Variants in ZNF674 observed in about 807,000 individuals in gnomAD.
ZNF674 encodes zinc finger family member 674.
Under a neutral mutation model 7.0 loss-of-function variants are expected in ZNF674, and 2 were observed. That is an observed-to-expected ratio of 0.29 (90% CI 0.12 to 0.90). The LOEUF (loss-of-function observed/expected upper bound fraction) is 0.90. Among genes scored for constraint, ZNF674 ranks in the 40% least tolerant of loss-of-function variants. The pLI, the probability that ZNF674 is intolerant of heterozygous loss-of-function variation, is 0.57. For synonymous variants in ZNF674, 103 were observed against 145.2 expected (o/e 0.71, Z 2.09); for missense variants, 297 against 415.5 (o/e 0.71, Z 2.48).
chrX:46,520,188 G>A (rs1212326630), intron 5 of ZNF674, among the ~76,000 whole-genome samples: 1 of 110,926 alleles, frequency 9.0e-6, no homozygotes, highest in Non-Finnish European at 1.9e-5. Flanking sequence ...GATCACTTGA[G>A]GTCAGGAGTT....
intron 5 of ZNF674, among the ~76,000 whole-genome samples, chrX:46,520,911 G>A (rs1320710782): frequency 8.9e-6 from 1 of 111,783 alleles, no homozygotes; most frequent in Admixed American, 9.5e-5. Context: ...TCTAGACTGG[G>A]CGCAGTGGCT....
At chrX:46,508,411 T>C (rs1034829662) in intron 5 of ZNF674, among the ~76,000 whole-genome samples, 1 of 112,410 alleles carries the variant, frequency 8.9e-6, no homozygotes. Flanking sequence ...ATTTTACTTC[T>C]AAACATTAAT....
intron 5 of ZNF674, among the ~76,000 whole-genome samples, chrX:46,508,783 A>G (rs929505145): frequency 4.5e-5 from 5 of 111,419 alleles, no homozygotes; most frequent in African/African-American, 1.6e-4. Context: ...ATTGGTGTAT[A>G]AGAATGCTTG....
Position 46,500,987 on chromosome X carries a change from C to A in ZNF674, c.587G>T (p.Arg196Leu). 8.4e-7 allele frequency: 1 copy of A among 1,194,678 alleles called. No individual in the cohort carries two copies. Among genetic ancestry groups the A allele is most frequent in the East Asian group, 3.0e-5 (1 of 33,424 alleles). Residue 196 changes from arginine (R) to leucine (L), a missense_variant, in exon 6 of 6, where the codon CGA becomes CTA. Transcript: ENST00000683375. Reference sequence around the variant, plus strand: ...TTGCTTTTGGTGGAGGGCTTTCCCTCGTTGATTAGGGTCAAAAAATCTCTC... The same window carrying A: ...TTGCTTTTGGTGGAGGGCTTTCCCTAGTTGATTAGGGTCAAAAAATCTCTC... ...PAERFFDPNQ[R>L]GKALHQKQAL...
intron 3 of ZNF674, among the ~76,000 whole-genome samples, chrX:46,537,219 C>T (rs770554910): frequency 6.4e-5 from 7 of 109,446 alleles, no homozygotes; most frequent in Non-Finnish European, 1.3e-4. Flanking sequence ...TGCAGTGATC[C>T]GAGATCGCAC....
intron 4 of ZNF674, 99 bp downstream of exon 4, chrX:46,528,684 A>G: frequency 1.7e-6 from 2 of 1,147,631 alleles, no homozygotes; most frequent in Non-Finnish European, 2.3e-6. Flanking sequence ...GAGGGTGGTA[A>G]CCCACACTCA....
At chrX:46,527,302 A>G (rs2146608747) in intron 5 of ZNF674, among the ~76,000 whole-genome samples, 1 of 111,725 alleles carries the variant, frequency 9.0e-6, no homozygotes, top group South Asian at 3.7e-4. Flanking sequence ...TTACAATTTA[A>G]TAGCAAAGAA....
chrX:46,534,730 A>C (rs1942172164), intron 3 of ZNF674, among the ~76,000 whole-genome samples: 1 of 108,764 alleles, frequency 9.2e-6, no homozygotes, highest in Non-Finnish European at 1.9e-5. Context: ...CAGTGGCTAA[A>C]AGCCTTTCTT....
In ZNF674 at chrX:46,544,594, C is replaced by T. The variant is rs754986071; in HGVS notation, c.-123G>A. 8.9e-6 allele frequency: 1 copy of T among 112,102 alleles called. No individual in the cohort carries two copies. The highest frequency in any genetic ancestry group is 1.9e-5 in the Non-Finnish European group (1 of 53,217). The allele number at this position is 112,102 out of a possible 1,213,427, so 9.2% of individuals were successfully genotyped here. On this transcript the variant is annotated 5_prime_UTR_variant, in exon 2 of 6. Transcript: ENST00000683375. ...GTCTGAAATCGGTGAGCAGTGGTCT[C>T]AGGTCTGCACTCTGACCCTGGAAAC...
At chrX:46,519,259 TAGATAAAGATAGATGATA>T (rs1941847635) in intron 5 of ZNF674, among the ~76,000 whole-genome samples, 5 of 73,573 alleles carry the variant, frequency 6.8e-5, no homozygotes, top group African/African-American at 1.1e-4. Flanking sequence ...GATAGATAGA[TAGATAAAGATAGATGATA>T]GATAGATAGA....
At chrX:46,542,758 C>T (rs1942314415) in intron 2 of ZNF674, among the ~76,000 whole-genome samples, 1 of 110,903 alleles carries the variant, frequency 9.0e-6, no homozygotes, top group Admixed American at 9.7e-5. Flanking sequence ...ACTAAATGTG[C>T]AGCAAAGGGG....
intron 5 of ZNF674, among the ~76,000 whole-genome samples, chrX:46,524,239 CACAA>C (rs1359246902): frequency 8.1e-5 from 9 of 111,757 alleles, no homozygotes; most frequent in African/African-American, 2.9e-4. Flanking sequence ...CAAAACCAGA[CACAA>C]ACAGTGTAAG....
rs763490420 is a variant in ZNF674 at position 46,533,811 on chromosome X, C to CAAA, written c.16-4905_16-4903dup. On this transcript the variant is annotated intron_variant, in intron 3 of 5. Transcript: ENST00000683375. ...TGGGTGATAGAGTGAGACCCTGTCT[C>CAAA]AAAAAAAAAAAAAAAAAAATATATA... 9.5e-3 allele frequency among the ~76,000 whole-genome samples: 226 copies of CAAA among 23,773 alleles called. 1 individual carries two copies. Among genetic ancestry groups the CAAA allele is most frequent in the Non-Finnish European group, 0.012 (172 of 14,956 alleles). The allele number at this position is 23,773 out of a possible 115,157, so 20.6% of individuals were successfully genotyped here.
At chrX:46,529,146 G>T in intron 3 of ZNF674, 1 of 513,316 alleles carries the variant, frequency 1.9e-6, no homozygotes, top group Non-Finnish European at 3.1e-6. Context: ...AATCCACGCA[G>T]TCTGGCTCCC....
chrX:46,530,224 A>G (rs145717584), intron 3 of ZNF674, among the ~76,000 whole-genome samples: 141 of 112,057 alleles, frequency 1.3e-3, no homozygotes, highest in Middle Eastern at 4.6e-3. Flanking sequence ...GCTGTGCAGG[A>G]GAGGGGCAGG....
chrX:46,532,514 G>A (rs1462841887), intron 3 of ZNF674, among the ~76,000 whole-genome samples: 2 of 111,844 alleles, frequency 1.8e-5, no homozygotes, highest in African/African-American at 6.5e-5. Flanking sequence ...CCTTTGTCTC[G>A]TTAAGTCGCA....
In ZNF674 at chrX:46,498,137, T is replaced by C. The variant is rs1405576005; in HGVS notation, c.*1706A>G. 9.0e-6 allele frequency: 1 copy of C among 111,380 alleles called. No homozygotes were observed. Among genetic ancestry groups the C allele is most frequent in the African/African-American group, 3.3e-5 (1 of 30,688 alleles). The allele number at this position is 111,380 out of a possible 1,213,427, so 9.2% of individuals were successfully genotyped here. On this transcript the variant is annotated 3_prime_UTR_variant, in exon 6 of 6. Coordinates refer to ENST00000683375, the MANE Select transcript of ZNF674 (RefSeq NM_001190417.2). ...GATTTACCACGAACATTTTCCCAAA[T>C]TTGCCAGTAGTCTTAATTGGTGCAT...
chrX:46,514,046 C>G (rs936219137), intron 5 of ZNF674, among the ~76,000 whole-genome samples: 2 of 111,185 alleles, frequency 1.8e-5, no homozygotes, highest in Admixed American at 9.6e-5. Context: ...GCCTAGGCAA[C>G]AGAGAGAGAC....
chrX:46,500,979 C>T lies in ZNF674; in HGVS notation c.595G>A (p.Ala199Thr). The change falls in exon 6 of 6, where the codon GCC becomes ACC. Residue 199 changes from alanine (A) to threonine (T), a missense_variant. Transcript: ENST00000683375. Reference protein sequence around the residue: ...RFFDPNQRGKALHQKQALRKS... With the variant: ...RFFDPNQRGKTLHQKQALRKS... ...CTAAGGGCTTGCTTTTGGTGGAGGGCTTTCCCTCGTTGATTAGGGTCAAAA... is the reference window on the plus strand; with the variant it reads ...CTAAGGGCTTGCTTTTGGTGGAGGGTTTTCCCTCGTTGATTAGGGTCAAAA... The T allele has an allele frequency of 1.7e-6, 2 of 1,190,828 alleles. No homozygotes were observed. The highest frequency in any genetic ancestry group is 2.3e-6 in the Non-Finnish European group (2 of 884,244).
Sources: gnomAD v4.1 joint callset for allele counts (sites outside exome capture counted in the v4.1 genomes callset) on GRCh38, gnomAD v4.1.1 for gene constraint, MANE v1.5 for transcripts, NCBI Gene and HGNC (gene_info 2026-07-23, HGNC 2026-07-21) for gene names.